PTPN3: variants seen among roughly 807,000 people sequenced by gnomAD.
PTPN3 encodes the protein tyrosine-protein phosphatase non-receptor type 3.
A neutral mutation model predicts 132.7 loss-of-function variants in PTPN3; 96 were observed. The observed-to-expected ratio is 0.72, with a 90% confidence interval of 0.61 to 0.86. The LOEUF is 0.86. PTPN3 is among the 40% of genes least tolerant of loss of function. The pLI, the probability that PTPN3 is intolerant of heterozygous loss-of-function variation, is 0.00. For synonymous variants in PTPN3, 398 were observed against 429.0 expected (o/e 0.93, Z 0.89); for missense variants, 1,125 against 1,159.6 (o/e 0.97, Z 0.43).
chr9:109,379,701 G>C, intron 25 of PTPN3, 68 bp from the exon 26 acceptor site: 2 of 1,343,732 alleles, frequency 1.5e-6, no homozygotes, highest in Non-Finnish European at 2.1e-6. Context: ...ACCCTGTACC[G>C]GTGGGTCTTT....
rs775919613 is a variant in PTPN3 at position 109,389,233 on chromosome 9, C to T, written c.2253G>A (p.Arg751=). The T allele has an allele frequency of 1.1e-5, 18 of 1,613,800 alleles. No individual in the cohort carries two copies. In the African/African-American group the frequency reaches 2.0e-4, roughly 18 times the overall value. ...VMLTTLTERG[R]TKCHQYWPDP... Reference sequence around the variant, plus strand: ...CTGAATTAGAAATCAAGCTACTTACCCGCCCTCGTTCTGTGAGAGTCGTCA... The same window carrying T: ...CTGAATTAGAAATCAAGCTACTTACTCGCCCTCGTTCTGTGAGAGTCGTCA... Residue 751 remains arginine, a splice_region_variant and synonymous_variant, in exon 22 of 26, where the codon CGG becomes CGA. Coordinates refer to ENST00000374541, the MANE Select transcript of PTPN3 (RefSeq NM_002829.4).
intron 2 of PTPN3, among the ~76,000 whole-genome samples, chr9:109,460,880 A>T (rs1845813885): frequency 6.6e-6 from 1 of 152,262 alleles, no homozygotes; most frequent in Non-Finnish European, 1.5e-5. Context: ...TACCCAGAAC[A>T]AAGCTTAGCC....
chr9:109,519,813 TG>T, the PTPN3 span, among the ~76,000 whole-genome samples: 1 of 152,216 alleles, frequency 6.6e-6, no homozygotes, highest in African/African-American at 2.4e-5. Flanking sequence ...GTGAGGTATA[TG>T]TGTGAACAAT....
chr9:109,403,621 C>T (rs576498677), intron 19 of PTPN3, among the ~76,000 whole-genome samples: 3 of 152,114 alleles, frequency 2.0e-5, no homozygotes, highest in Non-Finnish European at 2.9e-5. Flanking sequence ...GGGAGGACGG[C>T]GTGGGACCAG....
chr9:109,435,296 G>C (rs1047658685), intron 9 of PTPN3, among the ~76,000 whole-genome samples: 8 of 152,164 alleles, frequency 5.3e-5, no homozygotes, highest in Non-Finnish European at 8.8e-5. Flanking sequence ...GCAGAGGGCA[G>C]AACTCGGTGA....
chr9:109,421,873 C>T (rs897305368), intron 13 of PTPN3, among the ~76,000 whole-genome samples: 1 of 152,220 alleles, frequency 6.6e-6, no homozygotes, highest in African/African-American at 2.4e-5. Context: ...CAGGTATTTA[C>T]AGCCACGCAC....
chr9:109,419,296 T>C (rs923452346), intron 14 of PTPN3, among the ~76,000 whole-genome samples: 3 of 152,202 alleles, frequency 2.0e-5, no homozygotes, highest in Non-Finnish European at 2.9e-5. Context: ...AGATTTGCAA[T>C]TCACCTGCAA....
chr9:109,515,577 A>G, the PTPN3 span, among the ~76,000 whole-genome samples: 1 of 152,162 alleles, frequency 6.6e-6, no homozygotes, highest in African/African-American at 2.4e-5. Context: ...AGACTGGGTA[A>G]TTTATAAAGA....
intron 14 of PTPN3, among the ~76,000 whole-genome samples, chr9:109,420,198 T>C (rs1486524148): frequency 2.0e-5 from 3 of 152,212 alleles, no homozygotes; most frequent in Non-Finnish European, 4.4e-5. Context: ...AGGAAGTCTT[T>C]GTCGTGGACA....
chr9:109,424,049 A>G (rs113139938), intron 12 of PTPN3, among the ~76,000 whole-genome samples: 3 of 152,280 alleles, frequency 2.0e-5, no homozygotes, highest in African/African-American at 7.2e-5. Flanking sequence ...TACATCAGAA[A>G]CCACACTGCC....
chr9:109,408,237 G>A, intron 17 of PTPN3, 84 bp downstream of exon 17: 1 of 1,154,964 alleles, frequency 8.7e-7, no homozygotes, highest in Non-Finnish European at 1.2e-6. Flanking sequence ...GGCAAAAAAA[G>A]AAACAGGACT....
intron 5 of PTPN3, 47 bp from the exon 6 acceptor site, chr9:109,448,902 C>CAAAAAAAAAAAA: frequency 7.7e-7 from 1 of 1,290,370 alleles, no homozygotes; most frequent in Non-Finnish European, 9.8e-7. Flanking sequence ...CTGAAATAAG[C>CAAAAAAAAAAAA]AAAAAAAAAA....
rs148980191 is a variant in PTPN3 at position 109,467,405 on chromosome 9, C to T, written c.-17-3954G>A. 5.4e-3 allele frequency among the ~76,000 whole-genome samples: 818 copies of T among 152,150 alleles called. 4 individuals are homozygous for T. The highest frequency in any genetic ancestry group is 0.01 in the Middle Eastern group (3 of 294). On this transcript the variant is annotated intron_variant, in intron 1 of 25. Transcript: ENST00000374541. ...GGTGATTCAGCATCCTCAGGTGTGG[C>T]GCAGGATCACATTCCCTTTGGGAGC...
intron 1 of PTPN3, among the ~76,000 whole-genome samples, chr9:109,477,918 C>T (rs1024925836): frequency 2.6e-5 from 4 of 152,210 alleles, no homozygotes; most frequent in South Asian, 2.1e-4. Flanking sequence ...ACTCACCTTT[C>T]GGGGCACATG....
At chr9:109,533,588 C>T in the PTPN3 span, 9 of 1,584,336 alleles carry the variant, frequency 5.7e-6, no homozygotes, top group Non-Finnish European at 7.8e-6. Flanking sequence ...GCGAGGAGGG[C>T]CCCTGCGGAA....
chr9:109,517,863 C>A, the PTPN3 span, among the ~76,000 whole-genome samples: 1,137 of 152,150 alleles, frequency 7.5e-3, 11 homozygotes, highest in Non-Finnish European at 0.011. Flanking sequence ...AGTGGGAGAC[C>A]CTAGCAGAAG....
chr9:109,460,527 A>G (rs1442787487), intron 2 of PTPN3, among the ~76,000 whole-genome samples: 1 of 151,042 alleles, frequency 6.6e-6, no homozygotes, highest in Non-Finnish European at 1.5e-5. Context: ...ATCTTCTGCT[A>G]CCCTCCCCCC....
At chr9:109,398,423 G>A (rs1435037117) in intron 19 of PTPN3, among the ~76,000 whole-genome samples, 1 of 152,212 alleles carries the variant, frequency 6.6e-6, no homozygotes, top group Non-Finnish European at 1.5e-5. Flanking sequence ...TGAGTCACTT[G>A]TTTTGACATT....
chr9:109,457,603 C>T (rs1014229392), intron 2 of PTPN3, among the ~76,000 whole-genome samples: 4 of 151,616 alleles, frequency 2.6e-5, no homozygotes, highest in African/African-American at 9.8e-5. Flanking sequence ...CAACACAAGA[C>T]AATACGAGTT....
Sources: gnomAD v4.1 joint callset for allele counts (sites outside exome capture counted in the v4.1 genomes callset) on GRCh38, gnomAD v4.1.1 for gene constraint, MANE v1.5 for transcripts, NCBI Gene and HGNC (gene_info 2026-07-23, HGNC 2026-07-21) for gene names.